The following C3orf49 variants were observed in gnomAD, a reference collection of about 807,000 sequenced individuals.
The protein encoded by C3orf49 is chromosome 3 open reading frame 49.
A neutral mutation model predicts 13.3 loss-of-function variants in C3orf49; 27 were observed. The observed-to-expected ratio is 2.02, with a 90% CI of 1.49 to 2.79. The LOEUF (loss-of-function observed/expected upper bound fraction) is 2.79. Ranked by LOEUF, C3orf49 falls within the 30% of genes most tolerant of loss-of-function variation. C3orf49 has a pLI of 0.00. For synonymous variants in C3orf49, 87 were observed against 47.6 expected (o/e 1.83, Z -3.40); for missense variants, 242 against 134.2 (o/e 1.80, Z -3.97).
At chr3:63,842,701 T>TG (rs1701793915) in intron 5 of C3orf49, among the ~76,000 whole-genome samples, 1 of 151,922 alleles carries the variant, frequency 6.6e-6, no homozygotes, top group South Asian at 2.1e-4. Flanking sequence ...ATTAAGAAGA[T>TG]GGAGGCTGGG....
At chr3:63,816,298 T>C (rs184925508), upstream of C3orf49, among the ~76,000 whole-genome samples, 1,266 of 152,118 alleles carry the variant, frequency 8.3e-3, 7 homozygotes, top group Non-Finnish European at 0.011. Context: ...TGAATAAATA[T>C]ATGAACAAGT....
the C3orf49 span, chr3:63,784,593 A>G: frequency 6.6e-6 from 1 of 152,202 alleles, no homozygotes; most frequent in Non-Finnish European, 1.5e-5. Flanking sequence ...ATGGTGGCTC[A>G]CACCTGTAAT....
upstream of C3orf49, among the ~76,000 whole-genome samples, chr3:63,815,277 C>A (rs1160635698): frequency 2.0e-5 from 3 of 152,174 alleles, no homozygotes; most frequent in African/African-American, 7.2e-5. Context: ...CATATCCAAA[C>A]TGTATCTCCC....
chr3:63,841,383 T>C (rs1029370689), intron 5 of C3orf49, among the ~76,000 whole-genome samples: 8 of 152,310 alleles, frequency 5.3e-5, no homozygotes, highest in East Asian at 1.9e-4. Context: ...TTCTGTTTTG[T>C]TTTTTATAGT....
At chr3:63,827,765 TAACTCA>T (rs1701484006) in intron 3 of C3orf49, 40 bp downstream of exon 3, 1 of 696,986 alleles carries the variant, frequency 1.4e-6, no homozygotes, top group African/African-American at 1.8e-5. Context: ...GACTTACACA[TAACTCA>T]ATGTCTAGAG....
chr3:63,828,067 CT>C (rs1260554553), intron 3 of C3orf49, among the ~76,000 whole-genome samples: 1 of 152,218 alleles, frequency 6.6e-6, no homozygotes, highest in African/African-American at 2.4e-5. Context: ...TCCAGTGGAA[CT>C]TTCTGTGAAG....
chr3:63,826,084 T>G (rs1314745868), intron 2 of C3orf49, among the ~76,000 whole-genome samples: 1 of 152,048 alleles, frequency 6.6e-6, no homozygotes, highest in African/African-American at 2.4e-5. Context: ...CCAGTGGAGG[T>G]TGGAACACAG....
At chr3:63,818,906 C>G (rs2107089972), upstream of C3orf49, among the ~76,000 whole-genome samples, 1 of 152,248 alleles carries the variant, frequency 6.6e-6, no homozygotes, top group East Asian at 1.9e-4. Context: ...TTGAGATGTC[C>G]AAACAACAAC....
the C3orf49 span, among the ~76,000 whole-genome samples, chr3:63,806,297 C>A: frequency 0.018 from 2,684 of 152,306 alleles, 71 homozygotes; most frequent in African/African-American, 0.059. Context: ...TTATCCATTG[C>A]CTACCATTCA....
the C3orf49 span, among the ~76,000 whole-genome samples, chr3:63,807,937 GAAA>G: frequency 6.9e-6 from 1 of 145,436 alleles, no homozygotes; most frequent in Non-Finnish European, 1.5e-5. Flanking sequence ...GAAAAGAAAA[GAAA>G]AAAAGAAAAA....
chr3:63,792,709 A>T, the C3orf49 span, among the ~76,000 whole-genome samples: 2 of 152,212 alleles, frequency 1.3e-5, no homozygotes, highest in African/African-American at 4.8e-5. Context: ...TTATAGGAGC[A>T]TTGATATGTC....
chr3:63,796,234 C>A, the C3orf49 span, among the ~76,000 whole-genome samples: 2 of 152,132 alleles, frequency 1.3e-5, no homozygotes, highest in Admixed American at 1.3e-4. Flanking sequence ...TGGACTGTGG[C>A]AGTCACCTCT....
intron 2 of C3orf49, among the ~76,000 whole-genome samples, chr3:63,824,850 A>AG (rs1333864098): frequency 7.7e-4 from 116 of 151,150 alleles, no homozygotes; most frequent in African/African-American, 2.0e-3. Flanking sequence ...AAAAAAAAAA[A>AG]AAAAGAAAAA....
the C3orf49 span, among the ~76,000 whole-genome samples, chr3:63,810,858 T>C: frequency 6.6e-6 from 1 of 152,192 alleles, no homozygotes; most frequent in East Asian, 1.9e-4. Context: ...CTGGTTTTGT[T>C]TTGTTTGAGA....
chr3:63,846,983 C>T (rs967900973), intron 6 of C3orf49, among the ~76,000 whole-genome samples: 11 of 152,106 alleles, frequency 7.2e-5, no homozygotes, highest in African/African-American at 2.4e-4. Context: ...AGGGTGCTTC[C>T]CCAAATAAGC....
At chr3:63,820,621 G>A (rs1169976557) in intron 1 of C3orf49, among the ~76,000 whole-genome samples, 1 of 152,126 alleles carries the variant, frequency 6.6e-6, no homozygotes, top group Non-Finnish European at 1.5e-5. Flanking sequence ...ATTGTTCTGT[G>A]TCACAGTATG....
intron 5 of C3orf49, among the ~76,000 whole-genome samples, chr3:63,841,195 G>A (rs1435825926): frequency 2.0e-5 from 3 of 152,170 alleles, no homozygotes; most frequent in African/African-American, 7.2e-5. Context: ...CCATATGTGT[G>A]GAAAAAGGAG....
upstream of C3orf49, among the ~76,000 whole-genome samples, chr3:63,816,198 T>G (rs778004292): frequency 6.6e-6 from 1 of 151,992 alleles, no homozygotes; most frequent in East Asian, 1.9e-4. Flanking sequence ...TTTCTATTGG[T>G]TAACATATTG....
the C3orf49 span, among the ~76,000 whole-genome samples, chr3:63,807,037 C>T: frequency 2.6e-5 from 4 of 151,982 alleles, no homozygotes; most frequent in African/African-American, 7.3e-5. Flanking sequence ...CTGCAAGCTC[C>T]ATCTCCTGGG....
Sources: allele counts gnomAD v4.1 joint callset (sites outside exome capture counted in the v4.1 genomes callset), GRCh38; gene constraint gnomAD v4.1.1; transcripts MANE v1.5; gene names NCBI Gene and HGNC (gene_info 2026-07-23, HGNC 2026-07-21).